KCNIP3: variants seen among roughly 807,000 people sequenced by gnomAD.
The protein encoded by KCNIP3 is calsenilin.
A neutral mutation model predicts 35.0 loss-of-function variants in KCNIP3; 28 were observed. That is an observed-to-expected ratio of 0.80 (90% CI 0.59 to 1.10). The LOEUF is 1.10. Among genes scored for constraint, KCNIP3 ranks in the 50% least tolerant of loss-of-function variants. The pLI is 0.00. For synonymous variants in KCNIP3, 134 were observed against 133.8 expected, an observed-to-expected ratio of 1.00 and a Z score of -0.01; for missense variants, 295 against 338.4, an observed-to-expected ratio of 0.87 and a Z score of 1.01.
chr2:95,307,512 G>A lies in KCNIP3; in HGVS notation c.16-2843G>A, dbSNP rs188710517. Among the ~76,000 whole-genome samples, 79 of 152,346 alleles carry A rather than the reference G, an allele frequency of 5.2e-4. 1 individual carries two copies. Among genetic ancestry groups the A allele is most frequent in the Admixed American group, 3.3e-4 (5 of 15,314 alleles). ...TGGGGATCGTCTTACCGATTGCAGG[G>A]GGTTGTCGTGACGAGATTACTTTCA... On this transcript the variant is annotated intron_variant, in intron 1 of 8. Transcript: ENST00000295225.
At chr2:95,339,798 C>T (rs1412393685) in intron 2 of KCNIP3, among the ~76,000 whole-genome samples, 1 of 152,168 alleles carries the variant, frequency 6.6e-6, no homozygotes, top group East Asian at 1.9e-4. Flanking sequence ...TTGATCTCAT[C>T]TCTTTCCTTA....
At chr2:95,383,446 G>A (rs1361598698) in intron 8 of KCNIP3, 152 bp downstream of exon 8, 3 of 765,412 alleles carry the variant, frequency 3.9e-6, no homozygotes, top group Non-Finnish European at 6.5e-6. Flanking sequence ...CTCCTGGACA[G>A]CCCCAAGCTC....
At chr2:95,365,545 G>A (rs1220636464) in intron 2 of KCNIP3, among the ~76,000 whole-genome samples, 1 of 152,200 alleles carries the variant, frequency 6.6e-6, no homozygotes. Flanking sequence ...TTTTCTTGGA[G>A]TGGAGTAAGT....
Position 95,376,087 on chromosome 2 carries a change from C to A in KCNIP3, c.447+879C>A, listed in dbSNP as rs1680179087. 6.6e-6 allele frequency among the ~76,000 whole-genome samples: 1 copy of A among 152,170 alleles called. No individual in the cohort carries two copies. The highest frequency in any genetic ancestry group is 1.5e-5 in the Non-Finnish European group (1 of 68,026). ...CCCGCCTGCCCTGTGACCACAGGAC[C>A]CCTCGACTCTGAGCCACACTCTGAG... On this transcript the variant is annotated intron_variant, in intron 5 of 8. Transcript: ENST00000295225. This position sits in a 1 kb window ranked among gnomAD's most constrained non-coding sequence, Gnocchi z 4.2.
intron 4 of KCNIP3, 104 bp downstream of exon 4, chr2:95,375,021 G>A (rs931407095): frequency 6.6e-7 from 1 of 1,512,114 alleles, no homozygotes; most frequent in Non-Finnish European, 9.2e-7. Flanking sequence ...CTGTCCCGTG[G>A]GAAACAGGGA....
At chr2:95,319,951 C>T (rs1220877472) in intron 2 of KCNIP3, among the ~76,000 whole-genome samples, 2 of 152,172 alleles carry the variant, frequency 1.3e-5, no homozygotes, top group East Asian at 1.9e-4. Context: ...AGGGCAAGAG[C>T]GGCAGGTTTG....
intron 2 of KCNIP3, among the ~76,000 whole-genome samples, chr2:95,348,533 C>G (rs1291818086): frequency 6.6e-6 from 1 of 152,200 alleles, no homozygotes; most frequent in Non-Finnish European, 1.5e-5. Context: ...CTCCAGTGGC[C>G]AGGAGCAACA....
At chr2:95,323,054 C>T (rs1678636559) in intron 2 of KCNIP3, among the ~76,000 whole-genome samples, 1 of 152,240 alleles carries the variant, frequency 6.6e-6, no homozygotes, top group South Asian at 2.1e-4. Flanking sequence ...ACCCAGCCTC[C>T]CCCATTGCCT....
chr2:95,326,099 A>ACT (rs142651039), intron 2 of KCNIP3, among the ~76,000 whole-genome samples: 116,738 of 151,654 alleles, frequency 0.77, 45,439 homozygotes, highest in African/African-American at 0.87. Flanking sequence ...ACACATACAC[A>ACT]CATATACACA....
chr2:95,357,060 CTTGATG>C (rs1679672394), intron 2 of KCNIP3, among the ~76,000 whole-genome samples: 1 of 152,176 alleles, frequency 6.6e-6, no homozygotes, highest in South Asian at 2.1e-4. Flanking sequence ...GAGCTGGATG[CTTGATG>C]TTGCTCTAGG....
chr2:95,356,092 A>G (rs1356546765), intron 2 of KCNIP3, among the ~76,000 whole-genome samples: 1 of 152,174 alleles, frequency 6.6e-6, no homozygotes, highest in Non-Finnish European at 1.5e-5. Flanking sequence ...TTCTCTGATG[A>G]CCAGTGATGA....
intron 2 of KCNIP3, among the ~76,000 whole-genome samples, chr2:95,352,050 G>C (rs796893896): frequency 6.6e-6 from 1 of 152,104 alleles, no homozygotes; most frequent in African/African-American, 2.4e-5. Context: ...ATCACTTGAG[G>C]TCAGGAGTTC....
chr2:95,324,526 A>C lies in KCNIP3; in HGVS notation c.181+14006A>C, dbSNP rs1678681356. On this transcript the variant is annotated intron_variant, in intron 2 of 8. Transcript: ENST00000295225. Reference sequence around the variant, plus strand: ...AGACTCCGTCTCAAAATAAATAGATAAATAAATAAATAAATAAATAAATAA... The same window carrying C: ...AGACTCCGTCTCAAAATAAATAGATCAATAAATAAATAAATAAATAAATAA... Among the ~76,000 whole-genome samples the C allele has an allele frequency of 2.0e-5, 3 of 148,224 alleles. 1 individual carries two copies. The South Asian group carries it at 6.3e-4, about 31-fold the overall frequency.
chr2:95,303,936 G>T (rs1678108951), intron 1 of KCNIP3, among the ~76,000 whole-genome samples: 1 of 152,118 alleles, frequency 6.6e-6, no homozygotes, highest in African/African-American at 2.4e-5. Flanking sequence ...CAGTGTAAAT[G>T]ATTATCATTT....
intron 2 of KCNIP3, among the ~76,000 whole-genome samples, chr2:95,331,285 T>A (rs1022358354): frequency 3.3e-5 from 5 of 151,338 alleles, no homozygotes; most frequent in Non-Finnish European, 7.4e-5. Flanking sequence ...ACGAGAGGAG[T>A]CAGGCCAAGG....
In KCNIP3 at chr2:95,375,163, C is replaced by T. The variant is rs778363877; in HGVS notation, c.402C>T (p.Leu134=). The part of the protein sequence containing the change: ...QGDATTYAHF[L]FNAFDADGNG... ...ATGCCACCACCTATGCACACTTCCT[C>T]TTCAACGCCTTTGATGCGGACGGGA... is the stretch of plus-strand genomic sequence containing the variant. Residue 134 remains leucine (L), a synonymous_variant, in exon 5 of 9, where the codon CTC becomes CTT. Coordinates refer to ENST00000295225, the MANE Select transcript of KCNIP3 (RefSeq NM_013434.5). The T allele has an allele frequency of 2.5e-5, 41 of 1,614,076 alleles. No individual in the cohort carries two copies. The highest frequency in any genetic ancestry group is 3.2e-5 in the Non-Finnish European group (38 of 1,180,020).
intron 2 of KCNIP3, among the ~76,000 whole-genome samples, chr2:95,355,506 C>T (rs1054844756): frequency 6.6e-6 from 1 of 152,168 alleles, no homozygotes; most frequent in African/African-American, 2.4e-5. Context: ...GCCCCCCAGC[C>T]TCCAACAGGC....
chr2:95,383,864 C>A, intron 8 of KCNIP3, 138 bp from the exon 9 acceptor site: 1 of 768,526 alleles, frequency 1.3e-6, no homozygotes, highest in Non-Finnish European at 2.3e-6. Context: ...CCTCCCTGTC[C>A]CCCAGCTCCC....
intron 2 of KCNIP3, among the ~76,000 whole-genome samples, chr2:95,317,822 G>A (rs1035909902): frequency 7.2e-5 from 11 of 152,298 alleles, no homozygotes; most frequent in Middle Eastern, 3.4e-3. Context: ...GGCAGGAGTC[G>A]GGCGGATTAA....
Sources: allele counts gnomAD v4.1 joint callset (sites outside exome capture counted in the v4.1 genomes callset), GRCh38; gene constraint gnomAD v4.1.1; non-coding constraint Gnocchi (gnomAD v3.1); transcripts MANE v1.5; gene names NCBI Gene and HGNC (gene_info 2026-07-23, HGNC 2026-07-21).